MSS51: variants seen among roughly 807,000 people sequenced by gnomAD.
MSS51 encodes the protein putative protein MSS51 homolog, mitochondrial.
In MSS51, 32 loss-of-function variants were observed where a neutral mutation model predicts 40.2. The ratio of observed to expected loss-of-function variants is 0.80; its 90% CI spans 0.60 to 1.07. The LOEUF (loss-of-function observed/expected upper bound fraction) is 1.07, where lower values mean the gene tolerates loss of function less well. Ranked by LOEUF, MSS51 falls within the 50% of genes least tolerant of loss-of-function variation. MSS51 has a pLI of 0.00. For missense variants in MSS51, 518 were observed against 568.9 expected (o/e 0.91, Z 0.91); for synonymous variants, 178 against 214.2 (o/e 0.83, Z 1.48).
At chr10:73,431,868 A>G (rs2056031481) in intron 1 of MSS51, among the ~76,000 whole-genome samples, 1 of 152,186 alleles carries the variant, frequency 6.6e-6, no homozygotes, top group Non-Finnish European at 1.5e-5. Context: ...TTTTACCAAA[A>G]GAGTAAATGG....
chr10:73,432,185 C>T (rs548517421), intron 1 of MSS51, among the ~76,000 whole-genome samples: 9 of 152,154 alleles, frequency 5.9e-5, no homozygotes, highest in East Asian at 5.8e-4. Context: ...ATTACAGGCT[C>T]GCGCCACCAT....
chr10:73,424,326 G>A lies in MSS51; in HGVS notation c.*227C>T, dbSNP rs1343759689. The A allele has an allele frequency of 2.1e-5, 10 of 471,404 alleles. No individual in the cohort carries two copies. The highest frequency in any genetic ancestry group is 1.0e-4 in the Admixed American group (3 of 30,004). The allele number at this position is 471,404 out of a possible 1,614,324, so 29.2% of individuals were successfully genotyped here. ...CAGGAGGCGGAGGCTGCAGTGAGTC[G>A]AGATCATGCCGCTGCACTCCAGCCT... On this transcript the variant is annotated 3_prime_UTR_variant, in exon 7 of 7. Transcript: ENST00000299432.
chr10:73,425,023 G>A, intron 6 of MSS51, 75 bp downstream of exon 6: 1 of 1,184,868 alleles, frequency 8.4e-7, no homozygotes, highest in South Asian at 1.2e-5. Context: ...AGCAAGAGGG[G>A]GGCAAAAATG....
chr10:73,433,045 T>C (rs1387280854), intron 1 of MSS51, among the ~76,000 whole-genome samples: 7 of 152,124 alleles, frequency 4.6e-5, no homozygotes, highest in African/African-American at 1.7e-4. Flanking sequence ...TAGGCTCTAA[T>C]TTAGTCCCAG....
chr10:73,429,341 A>C (rs1320727766), intron 1 of MSS51, among the ~76,000 whole-genome samples: 1 of 152,248 alleles, frequency 6.6e-6, no homozygotes, highest in Non-Finnish European at 1.5e-5. Context: ...AGAAAATATT[A>C]ATATAGCTTT....
At chr10:73,431,259 T>A (rs1266069890) in intron 1 of MSS51, among the ~76,000 whole-genome samples, 1 of 152,224 alleles carries the variant, frequency 6.6e-6, no homozygotes, top group Non-Finnish European at 1.5e-5. Flanking sequence ...AATTGCTCAC[T>A]TTAAAATTAT....
At position 73,424,038 on chromosome 10, in the gene MSS51, A is replaced by C. The variant is rs1401479177; in HGVS notation, c.*515T>G. ...CATCAGGGCCTCTTCCCACCCACTA[A>C]ATCTAATTTCCTATCTCTAGAAGCT... On this transcript the variant is annotated 3_prime_UTR_variant, in exon 7 of 7. Transcript: ENST00000299432. The C allele has an allele frequency of 6.4e-6, 1 of 156,764 alleles. No individual in the cohort carries two copies. Among genetic ancestry groups the C allele is most frequent in the Non-Finnish European group, 1.4e-5 (1 of 70,750 alleles). The allele number at this position is 156,764 out of a possible 1,614,324, so 9.7% of individuals were successfully genotyped here. A position where few individuals can be genotyped will look rare whatever the true frequency, so the allele number is the denominator to read the frequency against.
chr10:73,425,885 T>C lies in MSS51; in HGVS notation c.995A>G (p.Tyr332Cys), dbSNP rs766322945. Reference protein sequence around the residue: ...TIQLSAHRGLYHDFWEEQVET... With the variant: ...TIQLSAHRGLCHDFWEEQVET... ...TACTTGCTCCTCCCAGAAGTCATGG[T>C]AGAGGCCCCTGTGGGCACTAAGCTG... Residue 332 changes from tyrosine (Y) to cysteine (C), a missense_variant, in exon 5 of 7, where the codon TAC becomes TGC. Transcript: ENST00000299432. 1.9e-6 allele frequency: 3 copies of C among 1,614,096 alleles called. No individual in the cohort carries two copies. Among genetic ancestry groups the C allele is most frequent in the Non-Finnish European group, 2.5e-6 (3 of 1,180,026 alleles).
chr10:73,433,397 T>A (rs1290163115), intron 1 of MSS51, 116 bp downstream of exon 1: 2 of 152,198 alleles, frequency 1.3e-5, no homozygotes, highest in Non-Finnish European at 2.9e-5. Flanking sequence ...TTAAGGACAC[T>A]GTAATTATGG....
In MSS51 at chr10:73,427,593, A is replaced by G. The variant is rs759120792; in HGVS notation, c.377+20T>C. On this transcript the variant is annotated intron_variant, in intron 3 of 6. Coordinates refer to ENST00000299432, the MANE Select transcript of MSS51 (RefSeq NM_001024593.2). ...CAGGATCATTTCTGAATGTCTCCCTATTAGCCCCCAACAAGTCACCTCTTA... is the reference window on the plus strand; with the variant it reads ...CAGGATCATTTCTGAATGTCTCCCTGTTAGCCCCCAACAAGTCACCTCTTA... 5.6e-6 allele frequency: 9 copies of G among 1,594,530 alleles called. No individual in the cohort carries two copies. Among genetic ancestry groups the G allele is most frequent in the African/African-American group, 1.3e-5 (1 of 74,436 alleles).
intron 1 of MSS51, among the ~76,000 whole-genome samples, chr10:73,428,531 C>T (rs187885263): frequency 5.9e-5 from 9 of 152,148 alleles, no homozygotes; most frequent in Non-Finnish European, 5.9e-5. Flanking sequence ...CTTGCTCTGC[C>T]GCCCAGGCTG....
chr10:73,429,288 G>A (rs1337953093), intron 1 of MSS51, among the ~76,000 whole-genome samples: 1 of 152,030 alleles, frequency 6.6e-6, no homozygotes, highest in African/African-American at 2.4e-5. Flanking sequence ...CTGATCAAAT[G>A]GAACTGTATA....
chr10:73,425,244 G>T, intron 5 of MSS51, 53 bp from the exon 6 acceptor site: 1 of 1,212,726 alleles, frequency 8.2e-7, no homozygotes, highest in East Asian at 2.4e-5. Flanking sequence ...CAGACCCTAA[G>T]AGCAAGATAT....
At chr10:73,429,725 A>G in intron 1 of MSS51, 2 of 455,176 alleles carry the variant, frequency 4.4e-6, no homozygotes, top group South Asian at 3.1e-5. Context: ...GAAAAATTAA[A>G]ATGTCCATTC....
chr10:73,431,417 A>G (rs1335740776), intron 1 of MSS51, among the ~76,000 whole-genome samples: 1 of 152,206 alleles, frequency 6.6e-6, no homozygotes, highest in Non-Finnish European at 1.5e-5. Context: ...GGCAGTGTGA[A>G]TGAGGAAACT....
chr10:73,427,755 C>T lies in MSS51; in HGVS notation c.235G>A (p.Gly79Arg), dbSNP rs779114926. 5.0e-6 allele frequency: 8 copies of T among 1,613,928 alleles called. No homozygotes were observed. The African/African-American group carries it at 9.3e-5, about 19-fold the overall frequency. ...CCAAAGCCTGATACGGGGGTACCCC[C>T]ATCTACCACCAACCTGCAGAGACAG... ...SYEEYKLVVD[G>R]GTPVSGFGFR... Residue 79 changes from glycine (G) to arginine (R), a missense_variant, in exon 3 of 7, where the codon GGG becomes AGG. Gly to Arg is a moderately radical substitution (Grantham distance 125). Coordinates refer to ENST00000299432, the MANE Select transcript of MSS51 (RefSeq NM_001024593.2).
intron 1 of MSS51, among the ~76,000 whole-genome samples, chr10:73,433,178 T>TTTCC (rs2056041612): frequency 6.6e-6 from 1 of 151,912 alleles, no homozygotes; most frequent in African/African-American, 2.4e-5. Flanking sequence ...TAGACCTAGG[T>TTTCC]TTCCCATCTT....
rs765032166 is a variant in MSS51 at position 73,424,571 on chromosome 10, TTTCTC to T, written c.1360_1364del (p.Glu454SerfsTer10). 2.7e-5 allele frequency: 43 copies of T among 1,613,844 alleles called. 2 individuals carry two copies. The South Asian group carries it at 4.6e-4, about 17-fold the overall frequency. On this transcript the variant is annotated frameshift_variant, in exon 7 of 7. Coordinates refer to ENST00000299432, the MANE Select transcript of MSS51 (RefSeq NM_001024593.2). LOFTEE classifies it low-confidence loss of function (END_TRUNC). ...GATCTATTTAAATCCCGCCGTCCACTTTCTCTTCTAATTGCCTATTATCCAGCTGA... is the reference window on the plus strand; with the variant it reads ...GATCTATTTAAATCCCGCCGTCCACTTTCTAATTGCCTATTATCCAGCTGA...
At chr10:73,427,831 GCCC>G in intron 2 of MSS51, 63 bp from the exon 3 acceptor site, 2 of 1,564,806 alleles carry the variant, frequency 1.3e-6, no homozygotes, top group Non-Finnish European at 1.7e-6. Flanking sequence ...AATCTCTCAT[GCCC>G]CCCATCTTGT....
Sources: gnomAD v4.1 joint callset for allele counts (sites outside exome capture counted in the v4.1 genomes callset) on GRCh38, gnomAD v4.1.1 for gene constraint, MANE v1.5 for transcripts, NCBI Gene and HGNC (gene_info 2026-07-23, HGNC 2026-07-21) for gene names.